The following FRMPD4 variants were observed in gnomAD, a reference collection of about 807,000 sequenced individuals.
The protein encoded by FRMPD4 is FERM and PDZ domain-containing protein 4.
In FRMPD4, 22 loss-of-function variants were observed where a neutral mutation model predicts 94.1. That is an observed-to-expected ratio of 0.23 (90% CI 0.17 to 0.33). The LOEUF (loss-of-function observed/expected upper bound fraction) is 0.33. FRMPD4 is among the 10% of genes least tolerant of loss of function. FRMPD4 has a pLI of 1.00. For synonymous variants in FRMPD4, 631 were observed against 548.6 expected, an observed-to-expected ratio of 1.15 and a Z score of -2.10; for missense variants, 1,111 against 1,339.9, an observed-to-expected ratio of 0.83 and a Z score of 2.67.
At chrX:12,518,803 A>G (rs948207092) in intron 2 of FRMPD4, among the ~76,000 whole-genome samples, 1 of 108,227 alleles carries the variant, frequency 9.2e-6, no homozygotes, top group Non-Finnish European at 2.0e-5. Context: ...TGTAGAAAAC[A>G]CTAAAAATTA....
intron 2 of FRMPD4, among the ~76,000 whole-genome samples, chrX:12,609,059 TG>T (rs1323217760): frequency 8.9e-6 from 1 of 112,648 alleles, no homozygotes; most frequent in Admixed American, 9.4e-5. Context: ...ACTCATATAC[TG>T]TATTCTTACA....
intron 3 of FRMPD4, among the ~76,000 whole-genome samples, chrX:12,008,768 A>C (rs1008596923): frequency 1.8e-5 from 2 of 112,300 alleles, no homozygotes; most frequent in African/African-American, 6.5e-5. Context: ...AGTAGGTCAC[A>C]TCTACATTAG....
chrX:12,542,330 T>C (rs1012368721), intron 2 of FRMPD4, among the ~76,000 whole-genome samples: 2 of 112,091 alleles, frequency 1.8e-5, no homozygotes, highest in African/African-American at 3.2e-5. Flanking sequence ...GATTGTATAT[T>C]AGACAACCCC....
intron 1 of FRMPD4, among the ~76,000 whole-genome samples, chrX:12,427,897 CTTTTTTTTTTTTT>C (rs139267482): frequency 1.3e-4 from 7 of 54,757 alleles, no homozygotes; most frequent in African/African-American, 5.3e-4. Flanking sequence ...CCTTTTTTCT[CTTTTTTTTTTTTT>C]TTTTTTTTTT....
chrX:12,466,339 A>G (rs2057448440), intron 1 of FRMPD4, among the ~76,000 whole-genome samples: 1 of 112,387 alleles, frequency 8.9e-6, no homozygotes, highest in Admixed American at 9.4e-5. Flanking sequence ...AACAGAGCTG[A>G]TACATTTTCC....
chrX:12,514,059 AT>A (rs776292895), intron 2 of FRMPD4, among the ~76,000 whole-genome samples: 88 of 111,639 alleles, frequency 7.9e-4, no homozygotes, highest in Admixed American at 1.9e-3. Context: ...ATTTTTGCAC[AT>A]TGATTTTGTA....
chrX:12,701,762 G>C (rs2060193190), intron 9 of FRMPD4, 112 bp from the exon 10 acceptor site: 2 of 804,367 alleles, frequency 2.5e-6, no homozygotes. Context: ...TAGCCTCCTT[G>C]CCTGGGAAGT....
At chrX:11,906,665 A>G (rs1200070796) in intron 3 of FRMPD4, among the ~76,000 whole-genome samples, 1 of 110,654 alleles carries the variant, frequency 9.0e-6, no homozygotes, top group Non-Finnish European at 1.9e-5. Context: ...TGGCTTTTTA[A>G]CAGTCCAACT....
chrX:11,930,312 C>T (rs1476302404), intron 3 of FRMPD4, among the ~76,000 whole-genome samples: 1 of 110,254 alleles, frequency 9.1e-6, no homozygotes, highest in East Asian at 2.9e-4. Context: ...CACCAGGAAC[C>T]TGTAGATATA....
intron 3 of FRMPD4, among the ~76,000 whole-genome samples, chrX:11,997,329 T>C (rs1601876378): frequency 9.0e-6 from 1 of 111,347 alleles, no homozygotes; most frequent in Non-Finnish European, 1.9e-5. Flanking sequence ...AAAAATATCT[T>C]CTTGGTAGTT....
At chrX:11,822,543 G>T (rs1601786411) in exon 1 of FRMPD4, among the ~76,000 whole-genome samples, 1 of 111,917 alleles carries the variant, frequency 8.9e-6, no homozygotes, top group African/African-American at 3.3e-5. Context: ...GGAAAGGATG[G>T]GGTCACACAA....
intron 1 of FRMPD4, among the ~76,000 whole-genome samples, chrX:12,366,115 G>A (rs1444719682): frequency 8.9e-6 from 1 of 112,174 alleles, no homozygotes; most frequent in Non-Finnish European, 1.9e-5. Flanking sequence ...TGGGGTTCAG[G>A]GAACATCAGC....
At chrX:12,679,089 C>T (rs747238441) in intron 5 of FRMPD4, among the ~76,000 whole-genome samples, 1 of 112,360 alleles carries the variant, frequency 8.9e-6, no homozygotes, top group Admixed American at 9.4e-5. Context: ...AGAGCCCAGA[C>T]CATATGTCAT....
chrX:11,888,688 T>A (rs1185202026), intron 3 of FRMPD4, among the ~76,000 whole-genome samples: 1 of 111,914 alleles, frequency 8.9e-6, no homozygotes, highest in African/African-American at 3.3e-5. Flanking sequence ...ATAAAGTGAG[T>A]CACACAAGTT....
rs1395203622 is a variant in FRMPD4 at position 11,941,293 on chromosome X, C to T, written c.95+63275C>T. The stretch of plus-strand genomic sequence containing the variant: ...GCTGTAGACCGGAGCTGTTCCTATT[C>T]GGCCATCTTGGCTCCTCCCTCCCTG... On this transcript the variant is annotated intron_variant, in intron 3 of 18. Transcript: ENST00000640291. Among the ~76,000 whole-genome samples the T allele has an allele frequency of 2.8e-5, 3 of 105,369 alleles. 1 individual carries two copies. Among genetic ancestry groups the T allele is most frequent in the African/African-American group, 6.8e-5 (2 of 29,541 alleles). 91.5% of individuals were successfully genotyped at this position (105,369 alleles called of 115,157 possible). A position where few individuals can be genotyped will look rare whatever the true frequency, so the allele number is the denominator to read the frequency against.
At chrX:12,185,859 C>T (rs1015412327) in intron 1 of FRMPD4, among the ~76,000 whole-genome samples, 3 of 111,325 alleles carry the variant, frequency 2.7e-5, no homozygotes, top group South Asian at 3.8e-4. Context: ...TACTTGGGGT[C>T]ATAAAATTCC....
At chrX:12,463,303 G>A (rs769510444) in intron 1 of FRMPD4, among the ~76,000 whole-genome samples, 10 of 110,899 alleles carry the variant, frequency 9.0e-5, no homozygotes, top group Non-Finnish European at 1.9e-4. Flanking sequence ...TTTTTGTAGA[G>A]TTTTCTAGAG....
At chrX:12,436,287 G>A (rs1441932182) in intron 1 of FRMPD4, among the ~76,000 whole-genome samples, 1 of 111,460 alleles carries the variant, frequency 9.0e-6, no homozygotes, top group East Asian at 2.8e-4. Flanking sequence ...TTACAGGCGT[G>A]AGTCACCATG....
chrX:12,720,049 G>GGAAAGGAAA (rs1555898469), intron 16 of FRMPD4, among the ~76,000 whole-genome samples: 4 of 39,581 alleles, frequency 1.0e-4, no homozygotes, highest in Non-Finnish European at 1.3e-4. Context: ...GGAAAGGAAA[G>GGAAAGGAAA]GAAAGAAAGA....
Sources: allele counts gnomAD v4.1 joint callset (sites outside exome capture counted in the v4.1 genomes callset), GRCh38; gene constraint gnomAD v4.1.1; transcripts MANE v1.5; gene names NCBI Gene and HGNC (gene_info 2026-07-23, HGNC 2026-07-21).